Variants in SGCZ observed in about 807,000 individuals in gnomAD.
SGCZ encodes sarcoglycan zeta.
A neutral mutation model predicts 41.3 loss-of-function variants in SGCZ; 40 were observed. That is an observed-to-expected ratio of 0.97 (90% confidence interval 0.75 to 1.26). The LOEUF (loss-of-function observed/expected upper bound fraction) is 1.26. Ranked by LOEUF, SGCZ falls within the 50% of genes most tolerant of loss-of-function variation. The pLI, the probability that SGCZ is intolerant of heterozygous loss-of-function variation, is 0.00. For missense variants in SGCZ, 552 were observed against 369.8 expected (o/e 1.49, Z -4.04); for synonymous variants, 206 against 137.5 (o/e 1.50, Z -3.49).
intron 3 of SGCZ, among the ~76,000 whole-genome samples, chr8:14,274,413 G>C (rs1800163350): frequency 6.6e-6 from 1 of 152,056 alleles, no homozygotes; most frequent in African/African-American, 2.4e-5. Flanking sequence ...ACAAGTCGTT[G>C]GTTTTAAACT....
At chr8:14,247,501 G>C (rs550252587) in intron 3 of SGCZ, among the ~76,000 whole-genome samples, 8 of 152,310 alleles carry the variant, frequency 5.3e-5, no homozygotes, top group Admixed American at 5.2e-4. Context: ...GGTGGGCTTA[G>C]GAAACAAATG....
chr8:14,510,606 T>A (rs1279470629), intron 2 of SGCZ, among the ~76,000 whole-genome samples: 2 of 152,090 alleles, frequency 1.3e-5, no homozygotes, highest in African/African-American at 2.4e-5. Context: ...TCATTCAGAT[T>A]TTGTGAGTAA....
chr8:14,989,914 T>C (rs73665352), intron 1 of SGCZ, among the ~76,000 whole-genome samples: 6,266 of 152,280 alleles, frequency 0.041, 413 homozygotes, highest in African/African-American at 0.14. Context: ...AAGTGAACTG[T>C]CCTGGGTTAG....
intron 1 of SGCZ, among the ~76,000 whole-genome samples, chr8:15,235,147 C>A (rs1417968850): frequency 2.0e-5 from 3 of 152,192 alleles, no homozygotes; most frequent in African/African-American, 4.8e-5. Flanking sequence ...CAGAGACTAA[C>A]TTGAACTGGA....
Position 14,661,127 on chromosome 8 carries a change from T to C in SGCZ, c.40-106201A>G, listed in dbSNP as rs192673841. Among the ~76,000 whole-genome samples the C allele has an allele frequency of 9.1e-4, 138 of 152,256 alleles. 1 individual carries two copies. The highest frequency in any genetic ancestry group is 3.2e-3 in the African/African-American group (135 of 41,568). The stretch of plus-strand genomic sequence containing the variant: ...TTCTAGAAATGCATTTATGGAAACA[T>C]CATACATAAGCTAAAAAAATAGAAG... On this transcript the variant is annotated intron_variant, in intron 1 of 7. Transcript: ENST00000382080.
chr8:14,702,289 T>C (rs1452616740), intron 1 of SGCZ, among the ~76,000 whole-genome samples: 5 of 151,954 alleles, frequency 3.3e-5, no homozygotes, highest in Non-Finnish European at 5.9e-5. Context: ...CTCTCTGTGT[T>C]TTTCCTTTAC....
At chr8:14,326,061 G>A (rs1164695340) in intron 2 of SGCZ, among the ~76,000 whole-genome samples, 1 of 118,982 alleles carries the variant, frequency 8.4e-6, no homozygotes, top group African/African-American at 3.2e-5. Flanking sequence ...CAAATGAGCC[G>A]AGATCGCTCC....
intron 1 of SGCZ, among the ~76,000 whole-genome samples, chr8:14,651,958 G>T (rs566568035): frequency 2.5e-4 from 38 of 151,674 alleles, no homozygotes; most frequent in Admixed American, 1.6e-3. Context: ...TAAAAAAAAA[G>T]CAAACAAAAA....
chr8:14,649,333 A>G (rs936451054), intron 1 of SGCZ, among the ~76,000 whole-genome samples: 3 of 152,118 alleles, frequency 2.0e-5, no homozygotes, highest in East Asian at 1.9e-4. Context: ...TACTTTGCCA[A>G]TGAGAAATAA....
In SGCZ at chr8:14,525,269, A is replaced by G. The variant is rs997525730; in HGVS notation, c.234+29463T>C. 6.6e-5 allele frequency among the ~76,000 whole-genome samples: 10 copies of G among 152,210 alleles called. 1 individual carries two copies. The highest frequency in any genetic ancestry group is 6.8e-3 in the Middle Eastern group (2 of 294). On this transcript the variant is annotated intron_variant, in intron 2 of 7. Coordinates refer to ENST00000382080, the MANE Select transcript of SGCZ (RefSeq NM_139167.4). Reference sequence around the variant, plus strand: ...CATCTTTAGCCAGGTGAAACCTGGAAATTCAATTGCCTACTTTCCTTTGCT... The same window carrying G: ...CATCTTTAGCCAGGTGAAACCTGGAGATTCAATTGCCTACTTTCCTTTGCT...
intron 2 of SGCZ, among the ~76,000 whole-genome samples, chr8:14,370,766 T>C (rs1215230636): frequency 6.6e-6 from 1 of 151,950 alleles, no homozygotes; most frequent in Non-Finnish European, 1.5e-5. Context: ...TTAGCATATA[T>C]TATCCACTGA....
At chr8:14,822,656 G>A (rs1175688610) in intron 1 of SGCZ, among the ~76,000 whole-genome samples, 2 of 151,900 alleles carry the variant, frequency 1.3e-5, no homozygotes, top group Non-Finnish European at 2.9e-5. Flanking sequence ...ACAAAAGAGA[G>A]CCCAGAAACA....
intron 1 of SGCZ, among the ~76,000 whole-genome samples, chr8:14,842,675 T>C (rs958476672): frequency 9.2e-5 from 14 of 152,094 alleles, no homozygotes; most frequent in African/African-American, 3.4e-4. Context: ...ATGTAAAGAG[T>C]AACAGAAACT....
chr8:14,400,006 C>A (rs557234497), intron 2 of SGCZ, among the ~76,000 whole-genome samples: 2 of 151,996 alleles, frequency 1.3e-5, no homozygotes, highest in African/African-American at 4.8e-5. Flanking sequence ...TTTCCTCCCC[C>A]GTTAAGCCCC....
At chr8:14,542,015 T>G (rs1803485074) in intron 2 of SGCZ, among the ~76,000 whole-genome samples, 1 of 152,194 alleles carries the variant, frequency 6.6e-6, no homozygotes, top group Non-Finnish European at 1.5e-5. Context: ...AGGTTCCTTG[T>G]AGATTCTGGA....
chr8:14,953,438 G>T (rs1800703261), intron 1 of SGCZ, among the ~76,000 whole-genome samples: 1 of 152,108 alleles, frequency 6.6e-6, no homozygotes, highest in African/African-American at 2.4e-5. Flanking sequence ...ATTACAATTC[G>T]ACATGAGATT....
chr8:14,664,650 T>G (rs1307929071), intron 1 of SGCZ, among the ~76,000 whole-genome samples: 1 of 152,202 alleles, frequency 6.6e-6, no homozygotes, highest in Non-Finnish European at 1.5e-5. Context: ...TTAAAATGAC[T>G]TATTTCAGTA....
intron 1 of SGCZ, among the ~76,000 whole-genome samples, chr8:14,790,854 A>G (rs1035800941): frequency 6.6e-6 from 1 of 151,954 alleles, no homozygotes; most frequent in African/African-American, 2.4e-5. Flanking sequence ...AACATGGTGA[A>G]ACTCGGTCTC....
At chr8:14,446,201 G>C (rs1246548551) in intron 2 of SGCZ, among the ~76,000 whole-genome samples, 1 of 152,138 alleles carries the variant, frequency 6.6e-6, no homozygotes, top group Non-Finnish European at 1.5e-5. Flanking sequence ...TGCTGAAGCA[G>C]CCTGCTGTAT....
Sources: allele counts gnomAD v4.1 joint callset (sites outside exome capture counted in the v4.1 genomes callset), GRCh38; gene constraint gnomAD v4.1.1; transcripts MANE v1.5; gene names NCBI Gene and HGNC (gene_info 2026-07-23, HGNC 2026-07-21).